Variants in XIAP observed in about 807,000 individuals in gnomAD.
XIAP encodes the protein E3 ubiquitin-protein ligase XIAP.
Under a neutral mutation model 33.1 loss-of-function variants are expected in XIAP, and 3 were observed. The ratio of observed to expected loss-of-function variants is 0.09; its 90% CI spans 0.04 to 0.23. The LOEUF is 0.23. Ranked by LOEUF, XIAP falls within the 10% of genes least tolerant of loss-of-function variation. XIAP has a pLI of 1.00. For missense variants in XIAP, 264 were observed against 363.0 expected, an observed-to-expected ratio of 0.73 and a Z score of 2.22; for synonymous variants, 98 against 121.3, an observed-to-expected ratio of 0.81 and a Z score of 1.26.
chrX:123,881,257 A>T (rs913409988), intron 1 of XIAP, among the ~76,000 whole-genome samples: 9 of 110,891 alleles, frequency 8.1e-5, no homozygotes, highest in African/African-American at 2.9e-4. Flanking sequence ...CCTTTTTGTC[A>T]CCCTTGTCTA....
intron 5 of XIAP, among the ~76,000 whole-genome samples, chrX:123,899,144 A>AAATATATAT (rs1186271285): frequency 4.0e-5 from 2 of 50,184 alleles, no homozygotes; most frequent in African/African-American, 8.4e-5. Flanking sequence ...AAAAAAAAAA[A>AAATATATAT]ATATATATAT....
chrX:123,894,031 T>C (rs1481171981), intron 5 of XIAP, among the ~76,000 whole-genome samples: 1 of 111,737 alleles, frequency 8.9e-6, no homozygotes, highest in Admixed American at 9.6e-5. Context: ...GCCAAAATTA[T>C]TTCAGTTTTC....
In XIAP at chrX:123,876,705, T is replaced by TTAAATAAATAAATAAATAAA. The variant is rs779561599; in HGVS notation, c.-32-8921_-32-8902dup. Among the ~76,000 whole-genome samples, 134 of 107,251 alleles carry TTAAATAAATAAATAAATAAA rather than the reference T, an allele frequency of 1.2e-3. 1 individual carries two copies. The highest frequency in any genetic ancestry group is 4.1e-3 in the African/African-American group (121 of 29,744). The allele number at this position is 107,251 out of a possible 115,157, so 93.1% of individuals were successfully genotyped here. A position where few individuals can be genotyped will look rare whatever the true frequency, so the allele number is the denominator to read the frequency against. The stretch of plus-strand genomic sequence containing the variant: ...GGGCAACAGAGCAAGGCCTTGTCTT[T>TTAAATAAATAAATAAATAAA]TAAATAAATAAATAAATAAATAAAA... On this transcript the variant is annotated intron_variant, in intron 1 of 6. Transcript: ENST00000371199.
rs866917163 is a variant in XIAP, at chrX:123,911,477, C to A, written c.*4296C>A. ...GGGCAACAAGAGCAAAACTCTGTCT[C>A]AAAAAAAAAAAAAGATATAAATCAC... On this transcript the variant is annotated 3_prime_UTR_variant, in exon 7 of 7. Transcript: ENST00000371199. The A allele has an allele frequency of 8.8e-5, 23 of 261,796 alleles. No individual in the cohort carries two copies. The highest frequency in any genetic ancestry group is 2.0e-4 in the African/African-American group (6 of 30,380). The allele number at this position is 261,796 out of a possible 1,213,427, so 21.6% of individuals were successfully genotyped here.
chrX:123,901,674 A>G (rs181773771), intron 6 of XIAP, among the ~76,000 whole-genome samples: 1 of 112,097 alleles, frequency 8.9e-6, no homozygotes, highest in East Asian at 2.8e-4. Flanking sequence ...AAACAGTATG[A>G]ACATTAATGA....
At chrX:123,861,754 T>C (rs1474593) in intron 1 of XIAP, among the ~76,000 whole-genome samples, 42,443 of 110,953 alleles carry the variant, frequency 0.38, 6,126 homozygotes, top group African/African-American at 0.48. Context: ...TGTGCATATA[T>C]GTATTTATAC....
chrX:123,887,065 A>C (rs1262051168), intron 2 of XIAP, among the ~76,000 whole-genome samples: 1 of 112,112 alleles, frequency 8.9e-6, no homozygotes, highest in African/African-American at 3.2e-5. Flanking sequence ...GATTACAGGC[A>C]TGTGCCACCA....
rs1354829888 is a variant in XIAP, at chrX:123,910,429, G to A, written c.*3248G>A. 6 of 327,531 alleles carry A rather than the reference G, an allele frequency of 1.8e-5. No individual in the cohort carries two copies. The highest frequency in any genetic ancestry group is 5.2e-5 in the South Asian group (2 of 38,326). The allele number at this position is 327,531 out of a possible 1,213,427, so 27.0% of individuals were successfully genotyped here. ...TTTTGAACTATGAATGGAGACTACC[G>A]CCCCAGCATTAGTTTCACATGATAT... On this transcript the variant is annotated 3_prime_UTR_variant, in exon 7 of 7. Transcript: ENST00000371199.
chrX:123,910,640 C>T lies in XIAP; in HGVS notation c.*3459C>T, dbSNP rs2053591170. 3.1e-6 allele frequency: 1 copy of T among 326,714 alleles called. No individual in the cohort carries two copies. Among genetic ancestry groups the T allele is most frequent in the Non-Finnish European group, 5.9e-6 (1 of 168,628 alleles). 26.9% of individuals were successfully genotyped at this position (326,714 alleles called of 1,213,427 possible). A position where few individuals can be genotyped will look rare whatever the true frequency, so the allele number is the denominator to read the frequency against. Reference sequence around the variant, plus strand: ...ATCCCAGCACTTTGGGAGGCTGAGGCAGGTGGATCACGAGGTCAGGAGATC... The same window carrying T: ...ATCCCAGCACTTTGGGAGGCTGAGGTAGGTGGATCACGAGGTCAGGAGATC... On this transcript the variant is annotated 3_prime_UTR_variant, in exon 7 of 7. Transcript: ENST00000371199.
rs1010271489 is a variant in XIAP, at chrX:123,864,927, C to T, written c.-33+4634C>T. Among the ~76,000 whole-genome samples the T allele has an allele frequency of 2.8e-5, 3 of 107,658 alleles. No homozygotes were observed. In the Admixed American group the frequency reaches 3.1e-4, roughly 11 times the overall value. The allele number at this position is 107,658 out of a possible 115,157, so 93.5% of individuals were successfully genotyped here. On this transcript the variant is annotated intron_variant, in intron 1 of 6. Coordinates refer to ENST00000371199, the MANE Select transcript of XIAP (RefSeq NM_001167.4). ...GCATTCTCCTGACCTCGTGATCTGC[C>T]TGCGTTGGCCTCCTAAAGTGCTGGG...
rs2053626045 is a variant in XIAP at position 123,913,485 on chromosome X, CA to C, written c.*6311del. ...ACTCCCTCTCAAAAACAAAACAAAA[CA>C]AAAAAATTAGACAAATGCTACATTA... On this transcript the variant is annotated 3_prime_UTR_variant, in exon 7 of 7. Coordinates refer to ENST00000371199, the MANE Select transcript of XIAP (RefSeq NM_001167.4). The C allele has an allele frequency of 6.1e-6, 2 of 326,937 alleles. No individual in the cohort carries two copies. The highest frequency in any genetic ancestry group is 6.3e-5 in the Admixed American group (2 of 31,852). 26.9% of individuals were successfully genotyped at this position (326,937 alleles called of 1,213,427 possible). A position where few individuals can be genotyped will look rare whatever the true frequency, so the allele number is the denominator to read the frequency against.
In XIAP at chrX:123,904,236, CTGTT is replaced by C. The variant is rs777637535; in HGVS notation, c.1301-2742_1301-2739del. 7.2e-5 allele frequency among the ~76,000 whole-genome samples: 8 copies of C among 111,211 alleles called. No homozygotes were observed. The East Asian group carries it at 2.3e-3, about 32-fold the overall frequency. ...ATAGGCGTGAGCCACCGCGCCCAGC[CTGTT>C]TGTTTGTTTTTAACTCGTTGTAGCA... On this transcript the variant is annotated intron_variant, in intron 6 of 6. Transcript: ENST00000371199.
chrX:123,869,150 A>T (rs749579414), intron 1 of XIAP, among the ~76,000 whole-genome samples: 2 of 109,639 alleles, frequency 1.8e-5, no homozygotes, highest in African/African-American at 6.6e-5. Flanking sequence ...ATTCCCTGGT[A>T]CTTATAAAAT....
chrX:123,898,472 C>T (rs765647808), intron 5 of XIAP, among the ~76,000 whole-genome samples: 3 of 111,132 alleles, frequency 2.7e-5, no homozygotes, highest in East Asian at 5.7e-4. Context: ...ACGCCATTCT[C>T]CTGCCTCAGC....
chrX:123,896,004 C>T (rs1469283219), intron 5 of XIAP, among the ~76,000 whole-genome samples: 1 of 111,063 alleles, frequency 9.0e-6, no homozygotes, highest in Non-Finnish European at 1.9e-5. Context: ...TCAGGTGATC[C>T]ACCCACGTTG....
chrX:123,882,784 T>A (rs999206808), intron 1 of XIAP, among the ~76,000 whole-genome samples: 1 of 112,323 alleles, frequency 8.9e-6, no homozygotes, highest in Non-Finnish European at 1.9e-5. Flanking sequence ...GCAACAGATT[T>A]TTTTTGTTTG....
chrX:123,899,187 T>A (rs868792568), intron 5 of XIAP, among the ~76,000 whole-genome samples: 13 of 38,039 alleles, frequency 3.4e-4, no homozygotes, highest in Admixed American at 9.5e-4. Context: ...ATATATGATT[T>A]TATATATATA....
At chrX:123,867,550 T>G (rs1337708066) in intron 1 of XIAP, among the ~76,000 whole-genome samples, 1 of 108,935 alleles carries the variant, frequency 9.2e-6, no homozygotes, top group Non-Finnish European at 1.9e-5. Context: ...ATTTTTGTAT[T>G]TTTAGTGGAG....
At chrX:123,890,268 G>A (rs866109944) in intron 3 of XIAP, among the ~76,000 whole-genome samples, 6 of 102,581 alleles carry the variant, frequency 5.8e-5, no homozygotes, top group South Asian at 9.0e-4. Context: ...CGCCCGCCTC[G>A]GCCTCCCAAA....
Sources: gnomAD v4.1 joint callset for allele counts (sites outside exome capture counted in the v4.1 genomes callset) on GRCh38, gnomAD v4.1.1 for gene constraint, MANE v1.5 for transcripts, NCBI Gene and HGNC (gene_info 2026-07-23, HGNC 2026-07-21) for gene names.